The following BCAS3 variants were observed in gnomAD, a reference collection of about 807,000 sequenced individuals.
BCAS3 encodes BCAS4/BCAS3 fusion.
A neutral mutation model predicts 116.1 loss-of-function variants in BCAS3; 53 were observed. The ratio of observed to expected loss-of-function variants is 0.46; its 90% CI spans 0.37 to 0.57. The LOEUF is 0.57. BCAS3 is among the 20% of genes least tolerant of loss of function. The pLI, the probability that BCAS3 is intolerant of heterozygous loss-of-function variation, is 0.00. For synonymous variants in BCAS3, 391 were observed against 408.2 expected, an observed-to-expected ratio of 0.96 and a Z score of 0.51; for missense variants, 917 against 1,165.4, an observed-to-expected ratio of 0.79 and a Z score of 3.10.
intron 22 of BCAS3, among the ~76,000 whole-genome samples, chr17:61,201,759 CTTTT>C (rs34301859): frequency 1.4e-5 from 2 of 142,180 alleles, no homozygotes. Flanking sequence ...AGGAAACTAA[CTTTT>C]TTTTTTTTTT....
At chr17:60,703,650 C>T (rs1227480691) in intron 4 of BCAS3, among the ~76,000 whole-genome samples, 3 of 150,282 alleles carry the variant, frequency 2.0e-5, no homozygotes, top group Non-Finnish European at 3.0e-5. Context: ...CGCGGTGGCT[C>T]ACGCCTGTAA....
At chr17:61,293,288 G>A (rs754697430) in intron 22 of BCAS3, among the ~76,000 whole-genome samples, 9 of 152,056 alleles carry the variant, frequency 5.9e-5, no homozygotes, top group Non-Finnish European at 8.8e-5. Flanking sequence ...ATTAGAAATC[G>A]TGCAGGTTGG....
chr17:60,746,390 C>T (rs2042015938), intron 5 of BCAS3, among the ~76,000 whole-genome samples: 1 of 152,054 alleles, frequency 6.6e-6, no homozygotes, highest in African/African-American at 2.4e-5. Flanking sequence ...TTTTCACACT[C>T]AACACATATT....
intron 22 of BCAS3, among the ~76,000 whole-genome samples, chr17:61,210,269 C>T (rs2081379141): frequency 2.6e-5 from 4 of 152,202 alleles, no homozygotes; most frequent in Admixed American, 2.6e-4. Flanking sequence ...TCCTGTCATG[C>T]ACAGGAGTAA....
chr17:60,804,208 C>A (rs887023760), intron 6 of BCAS3, among the ~76,000 whole-genome samples: 1 of 150,674 alleles, frequency 6.6e-6, no homozygotes, highest in Non-Finnish European at 1.5e-5. Flanking sequence ...ATTGGCTGGG[C>A]GTGGTGGCTC....
intron 6 of BCAS3, among the ~76,000 whole-genome samples, chr17:60,759,808 G>C (rs1437588775): frequency 1.3e-5 from 2 of 152,040 alleles, no homozygotes; most frequent in Admixed American, 1.3e-4. Context: ...GGGAGTACAG[G>C]TGTGCACCAC....
chr17:61,356,824 A>T lies in BCAS3; in HGVS notation c.2426-11503A>T, dbSNP rs2058162281. 6.6e-6 allele frequency: 1 copy of T among 152,260 alleles called. No homozygotes were observed. The highest frequency in any genetic ancestry group is 2.4e-5 in the African/African-American group (1 of 41,474). 9.4% of individuals were successfully genotyped at this position (152,260 alleles called of 1,614,324 possible). On this transcript the variant is annotated intron_variant, in intron 22 of 23. Transcript: ENST00000407086. The surrounding 1 kb of genome is among the most constrained non-coding windows in gnomAD (Gnocchi z 5.4). ...GGTGCACATTCCTAATATGAATTAA[A>T]AATAAATATGCCATGTGTACACAGG...
chr17:61,121,052 G>A (rs1295892679), intron 22 of BCAS3, among the ~76,000 whole-genome samples: 1 of 151,532 alleles, frequency 6.6e-6, no homozygotes, highest in East Asian at 1.9e-4. Context: ...CTGGGAGATT[G>A]GTTTGATCAA....
chr17:60,686,163 C>T (rs992600435), intron 3 of BCAS3, among the ~76,000 whole-genome samples: 6 of 152,072 alleles, frequency 3.9e-5, no homozygotes, highest in East Asian at 1.9e-4. Flanking sequence ...CCACCGCACC[C>T]GGCCTATGTT....
At chr17:61,033,677 C>G (rs2066810424) in intron 16 of BCAS3, among the ~76,000 whole-genome samples, 1 of 152,122 alleles carries the variant, frequency 6.6e-6, no homozygotes, top group Admixed American at 6.5e-5. Context: ...TTATTGTTTC[C>G]TACCTTGGCT....
At chr17:60,738,162 A>G (rs1449773220) in intron 5 of BCAS3, among the ~76,000 whole-genome samples, 6 of 152,210 alleles carry the variant, frequency 3.9e-5, no homozygotes. Context: ...TGTCTGCCTG[A>G]AGAATGTTTA....
chr17:61,002,996 A>G (rs1037254570), intron 15 of BCAS3, among the ~76,000 whole-genome samples: 3 of 152,094 alleles, frequency 2.0e-5, no homozygotes, highest in South Asian at 2.1e-4. Flanking sequence ...TTTATAGTGA[A>G]AGGAGGCACT....
chr17:60,767,583 G>A (rs1415561960), intron 6 of BCAS3, among the ~76,000 whole-genome samples: 1 of 151,998 alleles, frequency 6.6e-6, no homozygotes. Context: ...CTCACCTCAA[G>A]TGATCCACCC....
Position 60,986,438 on chromosome 17 carries a change from A to G in BCAS3, c.1222-3533A>G, listed in dbSNP as rs139191105. Among the ~76,000 whole-genome samples the G allele has an allele frequency of 2.5e-3, 379 of 152,340 alleles. 5 individuals carry two copies. The highest frequency in any genetic ancestry group is 0.016 in the South Asian group (76 of 4,834). On this transcript the variant is annotated intron_variant, in intron 14 of 23. Coordinates refer to ENST00000407086, the MANE Select transcript of BCAS3 (RefSeq NM_017679.5). The stretch of plus-strand genomic sequence containing the variant: ...CCAAATTGTTCTCCATAGTGGTTGT[A>G]TTAATTTACATTCCCACCAATAGTG...
At chr17:61,059,797 G>A (rs1234164580) in intron 19 of BCAS3, among the ~76,000 whole-genome samples, 1 of 152,086 alleles carries the variant, frequency 6.6e-6, no homozygotes, top group East Asian at 1.9e-4. Context: ...AGGCCAAGTT[G>A]GGCAGATCGC....
intron 10 of BCAS3, among the ~76,000 whole-genome samples, chr17:60,897,592 G>A (rs1301231451): frequency 3.3e-5 from 5 of 152,050 alleles, no homozygotes; most frequent in South Asian, 4.2e-4. Context: ...TAATGTCTTC[G>A]CTTATTTTTA....
Position 60,706,081 on chromosome 17 carries a change from A to G in BCAS3, c.215-3138A>G, listed in dbSNP as rs144358622. 1.6e-4 allele frequency among the ~76,000 whole-genome samples: 25 copies of G among 151,652 alleles called. No homozygotes were observed. The East Asian group carries it at 2.3e-3, about 14-fold the overall frequency. On this transcript the variant is annotated intron_variant, in intron 4 of 23. Coordinates refer to ENST00000407086, the MANE Select transcript of BCAS3 (RefSeq NM_017679.5). ...AAGGATGAAGACTTTTTTTTTATGG[A>G]GATGGAGTTTCGCTGTTGTTGCCCA... is the stretch of plus-strand genomic sequence containing the variant.
intron 19 of BCAS3, among the ~76,000 whole-genome samples, chr17:61,074,511 A>C (rs890134294): frequency 2.6e-5 from 4 of 152,182 alleles, no homozygotes; most frequent in African/African-American, 9.7e-5. Context: ...TGGATAAATG[A>C]ATTTTTTTTA....
intron 23 of BCAS3, among the ~76,000 whole-genome samples, chr17:61,374,874 A>G (rs1568970220): frequency 6.6e-6 from 1 of 152,218 alleles, no homozygotes; most frequent in Non-Finnish European, 1.5e-5. Flanking sequence ...TGCACTCGTG[A>G]CCCACTAAAG....
Sources: gnomAD v4.1 joint callset for allele counts (sites outside exome capture counted in the v4.1 genomes callset) on GRCh38, gnomAD v4.1.1 for gene constraint, Gnocchi (gnomAD v3.1) non-coding constraint, MANE v1.5 for transcripts, NCBI Gene and HGNC (gene_info 2026-07-23, HGNC 2026-07-21) for gene names.